SEC63: variants seen among roughly 807,000 people sequenced by gnomAD.
SEC63 encodes the protein translocation protein SEC63 homolog.
Under a neutral mutation model 116.2 loss-of-function variants are expected in SEC63, and 56 were observed. That is an observed-to-expected ratio of 0.48 (90% CI 0.39 to 0.60). The LOEUF (loss-of-function observed/expected upper bound fraction) is 0.60. SEC63 is among the 20% of genes least tolerant of loss of function. The probability of loss-of-function intolerance (pLI) is 0.00; values close to 1 mark genes in which losing one functional copy is unlikely to be tolerated. For missense variants in SEC63, 668 were observed against 900.0 expected (o/e 0.74, Z 3.30); for synonymous variants, 273 against 294.6 (o/e 0.93, Z 0.75).
chr6:107,876,841 A>G, intron 18 of SEC63, 179 bp from the exon 19 acceptor site: 1 of 577,562 alleles, frequency 1.7e-6, no homozygotes, highest in East Asian at 2.9e-5. Context: ...TAACATTTGT[A>G]GATCCATTGC....
intron 1 of SEC63, chr6:107,932,242 T>A (rs1193838251): frequency 6.6e-6 from 1 of 152,538 alleles, no homozygotes; most frequent in African/African-American, 2.4e-5. Context: ...CCAACACAAT[T>A]GAGATGATCT....
chr6:107,940,490 G>T (rs1392443831), intron 1 of SEC63, among the ~76,000 whole-genome samples: 1 of 152,058 alleles, frequency 6.6e-6, no homozygotes, highest in South Asian at 2.1e-4. Flanking sequence ...ATTTTAGGAT[G>T]TTTAGCAGCA....
At chr6:107,886,441 C>T (rs909963236) in intron 16 of SEC63, among the ~76,000 whole-genome samples, 1 of 152,208 alleles carries the variant, frequency 6.6e-6, no homozygotes, top group Non-Finnish European at 1.5e-5. Context: ...CACTGACTTC[C>T]ACAAGGGTTG....
chr6:107,902,988 A>C lies in SEC63; in HGVS notation c.1065T>G (p.Phe355Leu), dbSNP rs1583742639. The change falls in exon 12 of 21, where the codon TTT becomes TTG. Residue 355 changes from phenylalanine to leucine, a missense_variant. Phe to Leu is a conservative substitution (Grantham distance 22, BLOSUM62 0). Coordinates refer to ENST00000369002, the MANE Select transcript of SEC63 (RefSeq NM_007214.5). Reference sequence around the variant, plus strand: ...CTAGGGATGCCAAAGTTGGAGCACGAAACTCCCTTTCTTAGAAAGAACAGG... The same window carrying C: ...CTAGGGATGCCAAAGTTGGAGCACGCAACTCCCTTTCTTAGAAAGAACAGG... ...VMARNREERE[F>L]RAPTLASLEN... The C allele has an allele frequency of 1.2e-6, 2 of 1,614,098 alleles. No homozygotes were observed. Among genetic ancestry groups the C allele is most frequent in the Non-Finnish European group, 1.7e-6 (2 of 1,179,990 alleles).
intron 1 of SEC63, among the ~76,000 whole-genome samples, chr6:107,950,297 GAA>G (rs1770552132): frequency 6.6e-6 from 1 of 152,120 alleles, no homozygotes; most frequent in Admixed American, 6.5e-5. Context: ...CAACAGAACT[GAA>G]GAGAGAAACA....
At chr6:107,880,386 G>A (rs1466105335) in intron 18 of SEC63, among the ~76,000 whole-genome samples, 3 of 152,164 alleles carry the variant, frequency 2.0e-5, no homozygotes, top group Admixed American at 6.5e-5. Context: ...ACAGTTTCCC[G>A]AACTGGGGGA....
intron 19 of SEC63, among the ~76,000 whole-genome samples, chr6:107,876,302 T>C (rs1451267865): frequency 6.6e-6 from 1 of 152,122 alleles, no homozygotes; most frequent in Non-Finnish European, 1.5e-5. Context: ...AAGGTGTATG[T>C]TCTTAGACAC....
At chr6:107,887,833 C>T (rs1275252382) in intron 16 of SEC63, among the ~76,000 whole-genome samples, 1 of 152,132 alleles carries the variant, frequency 6.6e-6, no homozygotes, top group Non-Finnish European at 1.5e-5. Flanking sequence ...TTCCCAATAC[C>T]ATTTATTAAA....
In SEC63 at chr6:107,928,822, T is replaced by C. The variant is rs549218346; in HGVS notation, c.224+593A>G. On this transcript the variant is annotated intron_variant, in intron 2 of 20. Transcript: ENST00000369002. ...ACCCCATAGCCTCACAGGATTAAAC[T>C]GGTCTGCTGTAACTAAACATGTTAA... 7.2e-5 allele frequency among the ~76,000 whole-genome samples: 11 copies of C among 152,342 alleles called. No homozygotes were observed. The South Asian group carries it at 2.1e-3, about 29-fold the overall frequency.
At chr6:107,934,239 C>T (rs982646120) in intron 1 of SEC63, among the ~76,000 whole-genome samples, 5 of 150,592 alleles carry the variant, frequency 3.3e-5, no homozygotes, top group Non-Finnish European at 7.4e-5. Flanking sequence ...AAGTGAGGAG[C>T]GCCTCTTCCC....
chr6:107,901,398 T>A lies in SEC63; in HGVS notation c.1329A>T (p.Pro443=), dbSNP rs755616893. The change falls in exon 13 of 21, where the codon CCA becomes CCT. Residue 443 remains proline, a synonymous_variant. Transcript: ENST00000369002. ...EEVMAVLGSF[P]YVTMDIKSQV... The stretch of plus-strand genomic sequence containing the variant: ...GTGATTTTATATCCATGGTCACATA[T>A]GGAAAACTCCCAAGGACAGCCATAA... The A allele has an allele frequency of 6.2e-7, 1 of 1,613,274 alleles. No homozygotes were observed. Among genetic ancestry groups the A allele is most frequent in the Admixed American group, 1.7e-5 (1 of 60,008 alleles).
chr6:107,928,360 G>A (rs960118242), intron 2 of SEC63, among the ~76,000 whole-genome samples: 15 of 151,824 alleles, frequency 9.9e-5, no homozygotes, highest in African/African-American at 3.6e-4. Context: ...GTAGTGGCAT[G>A]CACCTGTACT....
Position 107,893,863 on chromosome 6 carries a change from G to A in SEC63, c.1475C>T (p.Ala492Val), listed in dbSNP as rs764224518. 1.2e-6 allele frequency: 2 copies of A among 1,614,122 alleles called. No homozygotes were observed. The highest frequency in any genetic ancestry group is 1.7e-6 in the Non-Finnish European group (2 of 1,180,024). The change falls in exon 15 of 21, where the codon GCA becomes GTA. Residue 492 changes from alanine (A) to valine (V), a missense_variant. Ala to Val is a moderately conservative substitution (Grantham distance 64, BLOSUM62 0). Around this residue, in one of 5 missense-constraint regions of SEC63, gnomAD observed 430 missense variants for 557.5 expected, o/e 0.77. Coordinates refer to ENST00000369002, the MANE Select transcript of SEC63 (RefSeq NM_007214.5). ...CCCATCTTCTGCTGGCTGTTCCTCT[G>A]CAGCACAGATGGACTGCTCCTTTTC... is the stretch of plus-strand genomic sequence containing the variant. The part of the protein sequence containing the change: ...VFEKEQSICA[A>V]EEQPAEDGQG...
intron 11 of SEC63, among the ~76,000 whole-genome samples, chr6:107,903,428 A>T (rs549055631): frequency 2.0e-5 from 3 of 151,390 alleles, no homozygotes; most frequent in East Asian, 3.9e-4. Context: ...GCCTGTAGGC[A>T]TGTGGCTCAT....
Position 107,957,979 on chromosome 6 carries a change from T to G in SEC63, c.31A>C (p.Ser11Arg). The G allele has an allele frequency of 6.2e-7, 1 of 1,613,420 alleles. No individual in the cohort carries two copies. The highest frequency in any genetic ancestry group is 8.5e-7 in the Non-Finnish European group (1 of 1,179,580). ...AGGAAGTAGAAGAAGGTGTTCCCAC[T>G]GTCATCGTACTGGAACTGCTGCCCG... MAGQQFQYDDSGNTFFYFLTS... is the reference protein window; with the variant it reads MAGQQFQYDDRGNTFFYFLTS... The change falls in exon 1 of 21, where the codon AGT becomes CGT. Residue 11 changes from serine (S) to arginine (R), a missense_variant. This residue lies in a region of SEC63 where 142 missense variants were observed against 169.5 expected (regional missense o/e 0.84). Coordinates refer to ENST00000369002, the MANE Select transcript of SEC63 (RefSeq NM_007214.5).
At chr6:107,876,509 T>C (rs1786269991) in intron 19 of SEC63, 55 bp downstream of exon 19, 5 of 1,013,236 alleles carry the variant, frequency 4.9e-6, no homozygotes, top group Admixed American at 1.7e-5. Context: ...TGAAGCAGCA[T>C]GATGGTGACA....
chr6:107,942,991 C>T (rs1414223713), intron 1 of SEC63, among the ~76,000 whole-genome samples: 1 of 152,204 alleles, frequency 6.6e-6, no homozygotes, highest in Non-Finnish European at 1.5e-5. Context: ...TAGTGGCACT[C>T]TGTATGAGTC....
chr6:107,915,990 A>G (rs954965983), intron 4 of SEC63, among the ~76,000 whole-genome samples: 1 of 152,222 alleles, frequency 6.6e-6, no homozygotes, highest in Admixed American at 6.5e-5. Flanking sequence ...AACTGAGTTA[A>G]AACTAAACAC....
intron 4 of SEC63, among the ~76,000 whole-genome samples, chr6:107,914,750 C>T (rs1787361057): frequency 6.6e-6 from 1 of 152,140 alleles, no homozygotes; most frequent in Non-Finnish European, 1.5e-5. Context: ...TAGCTTGTTT[C>T]TTTCACTATT....
Sources: gnomAD v4.1 joint callset for allele counts (sites outside exome capture counted in the v4.1 genomes callset) on GRCh38, gnomAD v4.1.1 for gene constraint, gnomAD v4.1.1 regional missense constraint, MANE v1.5 for transcripts, NCBI Gene and HGNC (gene_info 2026-07-23, HGNC 2026-07-21) for gene names.